Variants in RBM47 observed in about 807,000 individuals in gnomAD.
RBM47 encodes the protein RNA binding motif protein 47, also known as RNA-binding protein 47.
A neutral mutation model predicts 47.1 loss-of-function variants in RBM47; 21 were observed. The observed-to-expected ratio is 0.45, with a 90% CI of 0.32 to 0.64. The LOEUF is 0.64. Ranked by LOEUF, RBM47 falls within the 30% of genes least tolerant of loss-of-function variation. RBM47 has a pLI of 0.05. For missense variants in RBM47, 708 were observed against 870.9 expected (o/e 0.81, Z 2.35); for synonymous variants, 375 against 361.7 (o/e 1.04, Z -0.42).
chr4:40,507,254 G>A (rs1343135797), intron 2 of RBM47, among the ~76,000 whole-genome samples: 4 of 151,994 alleles, frequency 2.6e-5, no homozygotes, highest in African/African-American at 4.8e-5. Context: ...ACTACACCTG[G>A]CCTTAAGCAC....
rs181288522 is a variant in RBM47, at chr4:40,438,149, A to G, written c.745T>C (p.Tyr249His). The G allele has an allele frequency of 1.2e-6, 2 of 1,612,628 alleles. No homozygotes were observed. The highest frequency in any genetic ancestry group is 4.5e-5 in the East Asian group (2 of 44,868). The change falls in exon 4 of 7, where the codon TAC becomes CAC. Residue 249 changes from tyrosine to histidine, a missense_variant. By Grantham distance (83) the Tyr-to-His change is moderately conservative (BLOSUM62 2). Transcript: ENST00000295971. Reference sequence around the variant, plus strand: ...GTCTCGATCATGAGGTTGCGCACGTAGAGGATCTTCACGGTCTCCATCACG... The same window carrying G: ...GTCTCGATCATGAGGTTGCGCACGTGGAGGATCTTCACGGTCTCCATCACG... ...EDVMETVKIL[Y>H]VRNLMIETTE...
At chr4:40,486,790 T>C (rs1348316098) in intron 2 of RBM47, among the ~76,000 whole-genome samples, 1 of 152,232 alleles carries the variant, frequency 6.6e-6, no homozygotes, top group East Asian at 1.9e-4. Flanking sequence ...GTAACTATGA[T>C]TCAACAGAGC....
At chr4:40,609,685 A>G (rs947585073) in intron 1 of RBM47, among the ~76,000 whole-genome samples, 4 of 152,126 alleles carry the variant, frequency 2.6e-5, no homozygotes, top group African/African-American at 9.7e-5. Context: ...CGCATGAGAC[A>G]AAGTCCTTGC....
chr4:40,610,610 CAAAAAAAAAA>C (rs34149753), intron 1 of RBM47, among the ~76,000 whole-genome samples: 1 of 52,808 alleles, frequency 1.9e-5, no homozygotes, highest in African/African-American at 5.6e-5. Flanking sequence ...GACTCCATCT[CAAAAAAAAAA>C]AAAAAAAAAA....
chr4:40,600,629 G>A (rs568017153), intron 1 of RBM47, among the ~76,000 whole-genome samples: 7 of 127,266 alleles, frequency 5.5e-5, no homozygotes, highest in South Asian at 2.7e-4. Context: ...GCGAGGCTCC[G>A]TCTCAAAAAA....
intron 1 of RBM47, among the ~76,000 whole-genome samples, chr4:40,608,767 C>A (rs1212902737): frequency 6.6e-6 from 1 of 152,152 alleles, no homozygotes; most frequent in Non-Finnish European, 1.5e-5. Flanking sequence ...TCCTAAAATT[C>A]TGGCATGAAA....
chr4:40,454,800 C>A (rs1223148952), intron 3 of RBM47, among the ~76,000 whole-genome samples: 2 of 152,136 alleles, frequency 1.3e-5, no homozygotes, highest in South Asian at 4.1e-4. Context: ...GGCCATACTG[C>A]CCCTTTTTAA....
chr4:40,545,661 T>A (rs1728960454), intron 1 of RBM47, among the ~76,000 whole-genome samples: 2 of 31,658 alleles, frequency 6.3e-5, no homozygotes, highest in Admixed American at 8.3e-4. Flanking sequence ...CAAGGCTCCT[T>A]CTCAAAAATA....
intron 1 of RBM47, among the ~76,000 whole-genome samples, chr4:40,563,731 T>C (rs1314643453): frequency 6.6e-6 from 1 of 152,224 alleles, no homozygotes; most frequent in African/African-American, 2.4e-5. Flanking sequence ...CCTTTCCGTG[T>C]GGCTGTGTTA....
At chr4:40,562,385 A>T (rs72624135) in intron 1 of RBM47, among the ~76,000 whole-genome samples, 10,666 of 152,036 alleles carry the variant, frequency 0.07, 780 homozygotes, top group African/African-American at 0.18. Context: ...TCTACTGTGA[A>T]ATACACTGAG....
At chr4:40,614,781 T>A (rs1203782533) in intron 1 of RBM47, among the ~76,000 whole-genome samples, 1 of 151,758 alleles carries the variant, frequency 6.6e-6, no homozygotes, top group Non-Finnish European at 1.5e-5. Context: ...CAGTGAGCCT[T>A]GATCATACCA....
chr4:40,541,645 C>T (rs1728555298), intron 2 of RBM47, among the ~76,000 whole-genome samples: 1 of 151,508 alleles, frequency 6.6e-6, no homozygotes, highest in South Asian at 2.1e-4. Flanking sequence ...GGCTGAGGCA[C>T]GAGAATTGTT....
chr4:40,619,579 G>A (rs1737066961), intron 1 of RBM47, among the ~76,000 whole-genome samples: 1 of 152,160 alleles, frequency 6.6e-6, no homozygotes, highest in Non-Finnish European at 1.5e-5. Flanking sequence ...ACTGTTGCAA[G>A]GTCGGCCTTC....
chr4:40,562,135 T>G (rs1445964811), intron 1 of RBM47, among the ~76,000 whole-genome samples: 1 of 152,168 alleles, frequency 6.6e-6, no homozygotes, highest in Non-Finnish European at 1.5e-5. Context: ...CCACTAGATT[T>G]AAAGATATGC....
chr4:40,505,489 AAGT>A (rs1424627893), intron 2 of RBM47, among the ~76,000 whole-genome samples: 11 of 150,100 alleles, frequency 7.3e-5, no homozygotes, highest in East Asian at 3.9e-4. Flanking sequence ...AAAAAAAAAA[AAGT>A]GTAAAAAAAA....
chr4:40,590,877 G>C lies in RBM47; in HGVS notation c.-240+38519C>G, dbSNP rs542469817. ...GAGTGCAGTGGTGCGATCTTGGCTC[G>C]CTGCAATCTCCGCCTCCCAGGTTCA... On this transcript the variant is annotated intron_variant, in intron 1 of 6. Coordinates refer to ENST00000295971, the MANE Select transcript of RBM47 (RefSeq NM_001098634.2). 1.8e-4 allele frequency among the ~76,000 whole-genome samples: 27 copies of C among 152,254 alleles called. No individual in the cohort carries two copies. In the East Asian group the frequency reaches 3.1e-3, roughly 17 times the overall value.
chr4:40,593,227 T>C (rs1208284221), intron 1 of RBM47, among the ~76,000 whole-genome samples: 1 of 149,490 alleles, frequency 6.7e-6, no homozygotes, highest in Admixed American at 6.7e-5. Flanking sequence ...CTCGATCTCC[T>C]GACCTCGTGA....
intron 2 of RBM47, among the ~76,000 whole-genome samples, chr4:40,471,351 A>C (rs1718835212): frequency 6.6e-6 from 1 of 152,130 alleles, no homozygotes; most frequent in Non-Finnish European, 1.5e-5. Flanking sequence ...CTATCCACTC[A>C]GGCCTGCTGC....
rs1714708164 is a variant in RBM47 at position 40,423,973 on chromosome 4, A to T, written c.*1931T>A. The T allele has an allele frequency of 6.6e-6, 1 of 152,350 alleles. No homozygotes were observed. Among genetic ancestry groups the T allele is most frequent in the African/African-American group, 2.4e-5 (1 of 41,414 alleles). The allele number at this position is 152,350 out of a possible 1,614,324, so 9.4% of individuals were successfully genotyped here. A position where few individuals can be genotyped will look rare whatever the true frequency, so the allele number is the denominator to read the frequency against. ...ACATCATCAGGAACATTGCACAATT[A>T]TTTTATGTCATTTAAAAGAATGATG... On this transcript the variant is annotated 3_prime_UTR_variant, in exon 7 of 7. Coordinates refer to ENST00000295971, the MANE Select transcript of RBM47 (RefSeq NM_001098634.2).
Sources: allele counts gnomAD v4.1 joint callset (sites outside exome capture counted in the v4.1 genomes callset), GRCh38; gene constraint gnomAD v4.1.1; transcripts MANE v1.5; gene names NCBI Gene and HGNC (gene_info 2026-07-23, HGNC 2026-07-21).